The following ALKBH3 variants were observed in gnomAD, a reference collection of about 807,000 sequenced individuals.
ALKBH3 encodes alkB homolog 3, alpha-ketoglutarate dependent dioxygenase.
Under a neutral mutation model 43.9 loss-of-function variants are expected in ALKBH3, and 51 were observed. That is an observed-to-expected ratio of 1.16 (90% CI 0.93 to 1.47). The LOEUF (loss-of-function observed/expected upper bound fraction) is 1.47. ALKBH3 is among the 40% of genes most tolerant of loss of function. The pLI is 0.00. For synonymous variants in ALKBH3, 102 were observed against 115.2 expected, an observed-to-expected ratio of 0.89 and a Z score of 0.73; for missense variants, 361 against 351.9, an observed-to-expected ratio of 1.03 and a Z score of -0.21.
intron 6 of ALKBH3, among the ~76,000 whole-genome samples, chr11:43,891,832 C>T (rs951220048): frequency 6.6e-6 from 1 of 152,220 alleles, no homozygotes; most frequent in African/African-American, 2.4e-5. Context: ...AGCCTTTGCC[C>T]ATGTGGTGTC....
intron 7 of ALKBH3, among the ~76,000 whole-genome samples, chr11:43,892,527 T>C (rs1370247271): frequency 6.6e-6 from 1 of 152,186 alleles, no homozygotes; most frequent in African/African-American, 2.4e-5. Flanking sequence ...TGAAAAAAAA[T>C]CTGATGTTTT....
chr11:43,901,270 A>G (rs1375626044), intron 7 of ALKBH3, among the ~76,000 whole-genome samples: 1 of 152,254 alleles, frequency 6.6e-6, no homozygotes, highest in Non-Finnish European at 1.5e-5. Flanking sequence ...GGTCCTCATG[A>G]TATTGCTGTA....
chr11:43,891,041 G>A (rs1468676741), intron 6 of ALKBH3, among the ~76,000 whole-genome samples: 4 of 152,078 alleles, frequency 2.6e-5, no homozygotes, highest in Admixed American at 2.6e-4. Flanking sequence ...TATTTTTTGA[G>A]TATTTTTGAT....
intron 8 of ALKBH3, among the ~76,000 whole-genome samples, chr11:43,906,803 G>A (rs183309973): frequency 4.6e-5 from 7 of 152,272 alleles, no homozygotes; most frequent in African/African-American, 1.4e-4. Flanking sequence ...TTTAAAAATT[G>A]GGTTGTATTT....
At chr11:43,898,924 TG>T in intron 7 of ALKBH3, 1 of 747,450 alleles carries the variant, frequency 1.3e-6, no homozygotes, top group South Asian at 1.4e-5. Flanking sequence ...GAGGGTGGAC[TG>T]GTCCCCAAAT....
chr11:43,899,286 A>C (rs1270215572), intron 7 of ALKBH3: 2 of 710,682 alleles, frequency 2.8e-6, no homozygotes, highest in East Asian at 5.4e-5. Flanking sequence ...CAGGGCTCGC[A>C]TGTGACCACG....
Position 43,920,257 on chromosome 11 carries a change from T to C in ALKBH3, c.*247T>C, listed in dbSNP as rs897890508. Reference sequence around the variant, plus strand: ...TCATCTTTAGGCAAATTAAAATCTATGTGGCAGTGCTCATGGATGATTTTG... The same window carrying C: ...TCATCTTTAGGCAAATTAAAATCTACGTGGCAGTGCTCATGGATGATTTTG... On this transcript the variant is annotated 3_prime_UTR_variant, in exon 10 of 10. Transcript: ENST00000302708. 7.1e-6 allele frequency: 3 copies of C among 419,856 alleles called. No individual in the cohort carries two copies. Among genetic ancestry groups the C allele is most frequent in the African/African-American group, 4.0e-5 (2 of 49,742 alleles). The allele number at this position is 419,856 out of a possible 1,614,324, so 26.0% of individuals were successfully genotyped here. A position where few individuals can be genotyped will look rare whatever the true frequency, so the allele number is the denominator to read the frequency against.
At chr11:43,891,140 G>T (rs1347353508) in intron 6 of ALKBH3, among the ~76,000 whole-genome samples, 3 of 152,156 alleles carry the variant, frequency 2.0e-5, no homozygotes, top group Non-Finnish European at 2.9e-5. Context: ...TGTTACTCAT[G>T]CATCAGAATA....
chr11:43,887,122 C>T (rs12804082), intron 5 of ALKBH3, among the ~76,000 whole-genome samples: 27,552 of 152,126 alleles, frequency 0.18, 2,816 homozygotes, highest in South Asian at 0.33. Flanking sequence ...AAGTCTACTC[C>T]CTTATTTCAA....
chr11:43,897,247 G>A (rs1236852843), intron 7 of ALKBH3: 6 of 552,822 alleles, frequency 1.1e-5, no homozygotes, highest in African/African-American at 5.6e-5. Flanking sequence ...GTGGAACCGC[G>A]ACTGCTCCGC....
intron 8 of ALKBH3, chr11:43,909,295 G>A (rs1277076354): frequency 6.6e-6 from 1 of 152,120 alleles, no homozygotes; most frequent in African/African-American, 2.4e-5. Flanking sequence ...TGACTTTGTG[G>A]GGTCCCAGCT....
At chr11:43,909,246 T>C (rs1951918969) in intron 8 of ALKBH3, 1 of 152,218 alleles carries the variant, frequency 6.6e-6, no homozygotes, top group Non-Finnish European at 1.5e-5. Context: ...TGTCATCAGT[T>C]AAAGTGTGGT....
At chr11:43,882,288 T>G (rs1216992468) in intron 1 of ALKBH3, among the ~76,000 whole-genome samples, 1 of 152,236 alleles carries the variant, frequency 6.6e-6, no homozygotes, top group Admixed American at 6.5e-5. Context: ...ATTCTACTCT[T>G]GGGGACTATT....
At chr11:43,882,452 A>G in intron 1 of ALKBH3, 131 bp from the exon 2 acceptor site, 1 of 457,754 alleles carries the variant, frequency 2.2e-6, no homozygotes, top group African/African-American at 2.0e-5. Flanking sequence ...AAATGTTGTG[A>G]TGACATAAAC....
chr11:43,899,443 C>CTGAAA, intron 7 of ALKBH3: 3 of 703,508 alleles, frequency 4.3e-6, no homozygotes. Flanking sequence ...AAGTGATAGG[C>CTGAAA]TCCGAGGATT....
At chr11:43,901,491 C>T in intron 7 of ALKBH3, 25 bp from the exon 8 acceptor site, 4 of 1,611,748 alleles carry the variant, frequency 2.5e-6, no homozygotes, top group Non-Finnish European at 3.4e-6. Context: ...ACTGTCTTGC[C>T]CTTTTCTTGG....
At chr11:43,918,888 C>A in intron 8 of ALKBH3, 150 bp from the exon 9 acceptor site, 1 of 617,728 alleles carries the variant, frequency 1.6e-6, no homozygotes, top group Non-Finnish European at 2.8e-6. Flanking sequence ...AACTTGCCAA[C>A]AGTCAAGCAG....
intron 8 of ALKBH3, among the ~76,000 whole-genome samples, chr11:43,911,841 G>A (rs775241707): frequency 2.0e-5 from 3 of 152,084 alleles, no homozygotes; most frequent in Non-Finnish European, 4.4e-5. Flanking sequence ...AAAAGGGAGC[G>A]GCCAGGCGCC....
chr11:43,892,188 C>G, intron 7 of ALKBH3, 59 bp downstream of exon 7: 1 of 1,407,744 alleles, frequency 7.1e-7, no homozygotes, highest in Non-Finnish European at 9.9e-7. Flanking sequence ...GTGTTGAGTG[C>G]TATAAAATAA....
Sources: gnomAD v4.1 joint callset for allele counts (sites outside exome capture counted in the v4.1 genomes callset) on GRCh38, gnomAD v4.1.1 for gene constraint, MANE v1.5 for transcripts, NCBI Gene and HGNC (gene_info 2026-07-23, HGNC 2026-07-21) for gene names.